Variants in ZNF804B observed in about 807,000 individuals in gnomAD.
ZNF804B encodes zinc finger 804B.
ZNF804B carries 80 observed loss-of-function variants against 101.4 expected under a neutral mutation model. That is an observed-to-expected ratio of 0.79 (90% CI 0.66 to 0.95). The LOEUF is 0.95. ZNF804B is among the 40% of genes least tolerant of loss of function. The pLI is 0.00. For synonymous variants in ZNF804B, 622 were observed against 558.8 expected (o/e 1.11, Z -1.59); for missense variants, 1,673 against 1,561.9 (o/e 1.07, Z -1.20).
chr7:89,085,407 T>C (rs980739341), intron 1 of ZNF804B, among the ~76,000 whole-genome samples: 2 of 151,986 alleles, frequency 1.3e-5, no homozygotes, highest in African/African-American at 4.8e-5. Flanking sequence ...TAAGTAAGCC[T>C]GTTTTAGTAG....
At chr7:89,160,216 T>C (rs550354920) in intron 1 of ZNF804B, among the ~76,000 whole-genome samples, 51 of 152,290 alleles carry the variant, frequency 3.3e-4, no homozygotes, top group African/African-American at 1.2e-3. Context: ...TTTGAGACCA[T>C]GCTTCACATG....
chr7:88,868,955 A>G (rs1397067697), intron 1 of ZNF804B, among the ~76,000 whole-genome samples: 1 of 152,198 alleles, frequency 6.6e-6, no homozygotes, highest in Non-Finnish European at 1.5e-5. Flanking sequence ...TGGAGTGAGA[A>G]GAATCACCTA....
intron 1 of ZNF804B, among the ~76,000 whole-genome samples, chr7:88,823,696 T>C (rs1791015770): frequency 6.6e-6 from 1 of 152,016 alleles, no homozygotes; most frequent in Non-Finnish European, 1.5e-5. Context: ...ATGTGGCAAA[T>C]TGTAAATCAC....
At chr7:89,307,881 C>T (rs1790588973) in intron 2 of ZNF804B, among the ~76,000 whole-genome samples, 1 of 151,970 alleles carries the variant, frequency 6.6e-6, no homozygotes, top group African/African-American at 2.4e-5. Context: ...GGAAAAGATG[C>T]TTGCACAGCC....
intron 2 of ZNF804B, among the ~76,000 whole-genome samples, chr7:89,267,898 T>A (rs1310357830): frequency 2.0e-5 from 3 of 152,122 alleles, no homozygotes. Flanking sequence ...TTTCTGTATG[T>A]CTGGTGATAG....
intron 1 of ZNF804B, among the ~76,000 whole-genome samples, chr7:89,104,300 G>A (rs1207312520): frequency 6.6e-6 from 1 of 152,022 alleles, no homozygotes; most frequent in African/African-American, 2.4e-5. Flanking sequence ...AATAGTTTGA[G>A]TAAGATTGGC....
At chr7:88,801,352 C>T (rs1327320424) in intron 1 of ZNF804B, among the ~76,000 whole-genome samples, 2 of 151,518 alleles carry the variant, frequency 1.3e-5, no homozygotes, top group African/African-American at 4.8e-5. Flanking sequence ...ACTTCTATGC[C>T]ACGCTCAGAA....
At chr7:89,177,404 A>G (rs1791337841) in intron 1 of ZNF804B, among the ~76,000 whole-genome samples, 1 of 152,138 alleles carries the variant, frequency 6.6e-6, no homozygotes, top group South Asian at 2.1e-4. Context: ...TTGTTCAATT[A>G]CCATGCGTTT....
chr7:89,164,518 A>T (rs1791113153), intron 1 of ZNF804B, among the ~76,000 whole-genome samples: 1 of 152,154 alleles, frequency 6.6e-6, no homozygotes, highest in African/African-American at 2.4e-5. Context: ...AGGAGTTTAC[A>T]TGAAGCTCTT....
chr7:89,094,275 C>T (rs1370821835), intron 1 of ZNF804B, among the ~76,000 whole-genome samples: 1 of 152,148 alleles, frequency 6.6e-6, no homozygotes, highest in Non-Finnish European at 1.5e-5. Flanking sequence ...TATCTCCCTT[C>T]TTCTGAATCA....
chr7:89,229,775 C>T (rs1214006810), intron 2 of ZNF804B, among the ~76,000 whole-genome samples: 2 of 152,110 alleles, frequency 1.3e-5, no homozygotes, highest in Non-Finnish European at 2.9e-5. Context: ...TCGTCTCCAA[C>T]TCACGTAAAA....
At chr7:88,825,297 C>G (rs368780842) in intron 1 of ZNF804B, among the ~76,000 whole-genome samples, 21 of 152,122 alleles carry the variant, frequency 1.4e-4, no homozygotes, top group Non-Finnish European at 2.9e-4. Context: ...TATGGACTCT[C>G]TCTCAATAAT....
intron 1 of ZNF804B, among the ~76,000 whole-genome samples, chr7:88,978,276 G>A (rs1320572811): frequency 1.3e-5 from 2 of 151,654 alleles, no homozygotes; most frequent in Non-Finnish European, 3.0e-5. Context: ...AGTTTTCTTT[G>A]TTGATTTTCT....
At chr7:88,927,622 CT>C (rs1792825940) in intron 1 of ZNF804B, among the ~76,000 whole-genome samples, 1 of 152,076 alleles carries the variant, frequency 6.6e-6, no homozygotes, top group Non-Finnish European at 1.5e-5. Context: ...CAGAATATTT[CT>C]TTCTCTCTTG....
At chr7:89,314,783 C>T (rs999945559) in intron 2 of ZNF804B, among the ~76,000 whole-genome samples, 3 of 152,136 alleles carry the variant, frequency 2.0e-5, no homozygotes, top group Admixed American at 6.5e-5. Context: ...GGATGGTTTT[C>T]TTAATACTTA....
intron 1 of ZNF804B, among the ~76,000 whole-genome samples, chr7:89,014,975 AG>A (rs1341542633): frequency 1.3e-5 from 2 of 152,204 alleles, no homozygotes; most frequent in African/African-American, 2.4e-5. Flanking sequence ...GTAGTCTTAC[AG>A]TATGGGGATT....
At chr7:88,917,390 A>G (rs1792651542) in intron 1 of ZNF804B, among the ~76,000 whole-genome samples, 1 of 152,234 alleles carries the variant, frequency 6.6e-6, no homozygotes, top group Non-Finnish European at 1.5e-5. Context: ...CTGCAGTTGT[A>G]CATGTTGAAA....
chr7:88,787,434 C>T (rs932274527), intron 1 of ZNF804B, among the ~76,000 whole-genome samples: 1 of 152,092 alleles, frequency 6.6e-6, no homozygotes, highest in African/African-American at 2.4e-5. Flanking sequence ...TGTTCCTTCT[C>T]ATTGAGTTTA....
intron 1 of ZNF804B, among the ~76,000 whole-genome samples, chr7:89,017,570 T>C (rs1166953220): frequency 6.6e-6 from 1 of 152,150 alleles, no homozygotes; most frequent in African/African-American, 2.4e-5. Flanking sequence ...TCATTGGTAT[T>C]TTAATAGAGA....
Sources: allele counts gnomAD v4.1 joint callset (sites outside exome capture counted in the v4.1 genomes callset), GRCh38; gene constraint gnomAD v4.1.1; transcripts MANE v1.5; gene names NCBI Gene and HGNC (gene_info 2026-07-23, HGNC 2026-07-21).